The following SHF variants were observed in gnomAD, a reference collection of about 807,000 sequenced individuals.
The protein encoded by SHF is SH2 domain-containing adapter protein F.
SHF carries 30 observed loss-of-function variants against 42.4 expected under a neutral mutation model. The ratio of observed to expected loss-of-function variants is 0.71; its 90% CI spans 0.53 to 0.96. SHF has a LOEUF of 0.96. SHF is among the 40% of genes least tolerant of loss of function. SHF has a pLI of 0.00. For missense variants in SHF, 598 were observed against 634.0 expected (o/e 0.94, Z 0.61); for synonymous variants, 264 against 269.9 (o/e 0.98, Z 0.21).
chr15:45,170,392 T>C (rs1326391735), intron 6 of SHF: 1 of 1,288,500 alleles, frequency 7.8e-7, no homozygotes, highest in Non-Finnish European at 1.0e-6. Context: ...GCAATACACA[T>C]TTCTGAGGTT....
At chr15:45,171,065 T>C (rs1297288495) in intron 6 of SHF, 1 of 154,466 alleles carries the variant, frequency 6.5e-6, no homozygotes, top group Non-Finnish European at 1.4e-5. Flanking sequence ...ATATCTGTAC[T>C]CTGATGGTCC....
Position 45,187,757 on chromosome 15 carries a change from CCCT to C in SHF, c.192_194del (p.Gly66del). The C allele has an allele frequency of 1.0e-6, 1 of 956,412 alleles. No homozygotes were observed. Among genetic ancestry groups the C allele is most frequent in the Non-Finnish European group, 1.3e-6 (1 of 744,536 alleles). The allele number at this position is 956,412 out of a possible 1,614,324, so 59.2% of individuals were successfully genotyped here. Reference sequence around the variant, plus strand: ...GCTCGGGGGGCGCCGGCTTGCTGCCCCCTCCGCCGCCGCCCCCCCCGCGGAAGC... The same window carrying C: ...GCTCGGGGGGCGCCGGCTTGCTGCCCCCGCCGCCGCCCCCCCCGCGGAAGC... On this transcript the variant is annotated inframe_deletion, in exon 1 of 7. Transcript: ENST00000690270.
Position 45,187,945 on chromosome 15 carries a change from G to C in SHF, c.7C>G (p.Leu3Val). ...GAGCCAGCCGGAGGAGCTCCGCTCA[G>C]TAACATGGGGCCAGCCAGACTGAGC... MLLSGAPPAGSRP... is the reference protein window; with the variant it reads MLVSGAPPAGSRP... The change falls in exon 1 of 7, where the codon CTG (leucine) becomes GTG (valine). Residue 3 changes from leucine to valine, a missense_variant. Coordinates refer to ENST00000690270, the MANE Select transcript of SHF (RefSeq NM_001394037.1). The C allele has an allele frequency of 8.8e-7, 1 of 1,136,106 alleles. No homozygotes were observed. Among genetic ancestry groups the C allele is most frequent in the African/African-American group, 1.6e-5 (1 of 60,876 alleles). 70.4% of individuals were successfully genotyped at this position (1,136,106 alleles called of 1,614,324 possible). A position where few individuals can be genotyped will look rare whatever the true frequency, so the allele number is the denominator to read the frequency against.
At chr15:45,187,423 C>T in intron 1 of SHF, 31 bp downstream of exon 1, 1 of 1,231,832 alleles carries the variant, frequency 8.1e-7, no homozygotes, top group Non-Finnish European at 1.0e-6. Context: ...CGCCTTCCCT[C>T]CTGGCCATCC....
At chr15:45,168,167 G>T in intron 6 of SHF, 34 bp from the exon 7 acceptor site, 1 of 1,532,662 alleles carries the variant, frequency 6.5e-7, no homozygotes, top group South Asian at 1.3e-5. Flanking sequence ...GGTGAGTGGG[G>T]GCTCTCCTCA....
chr15:45,171,924 G>A lies in SHF; in HGVS notation c.1239C>T (p.Arg413=), dbSNP rs1427750273. The change falls in exon 6 of 7, where the codon CGC becomes CGT. Residue 413 remains arginine, a synonymous_variant. Coordinates refer to ENST00000690270, the MANE Select transcript of SHF (RefSeq NM_001394037.1). ...RLCKEASYLV[R]NSETSKNDFS... The stretch of plus-strand genomic sequence containing the variant: ...AGTCATTCTTGCTGGTCTCACTGTT[G>A]CGCACCAGGTAGCTGGCCTCTTTGC... 3 of 1,613,836 alleles carry A rather than the reference G, an allele frequency of 1.9e-6. No individual in the cohort carries two copies. The highest frequency in any genetic ancestry group is 8.5e-7 in the Non-Finnish European group (1 of 1,179,870).
chr15:45,198,883 T>C (rs1368100705), exon 2 of SHF: 2 of 1,613,946 alleles, frequency 1.2e-6, no homozygotes, highest in Non-Finnish European at 8.5e-7. Context: ...GTGGTGATGA[T>C]GAGATGGGCT....
chr15:45,196,755 C>T (rs576112797), intron 2 of SHF, among the ~76,000 whole-genome samples: 21 of 152,012 alleles, frequency 1.4e-4, no homozygotes, highest in Admixed American at 6.5e-4. Context: ...AAAAATTAGC[C>T]GGGCTTGGTG....
At chr15:45,175,544 G>T (rs1022802082) in intron 2 of SHF, 119 bp from the exon 3 acceptor site, 5 of 1,022,540 alleles carry the variant, frequency 4.9e-6, no homozygotes, top group East Asian at 2.6e-5. Flanking sequence ...CCTGGCTCTG[G>T]GGGGAGCTCA....
intron 1 of SHF, among the ~76,000 whole-genome samples, chr15:45,179,333 G>T (rs1251016754): frequency 6.6e-6 from 1 of 152,210 alleles, no homozygotes; most frequent in African/African-American, 2.4e-5. Context: ...GCCACCAGGG[G>T]GCATCTTGGC....
intron 1 of SHF, among the ~76,000 whole-genome samples, chr15:45,181,399 G>A (rs772034958): frequency 6.6e-6 from 1 of 152,352 alleles, no homozygotes; most frequent in Middle Eastern, 3.4e-3. Context: ...AAGTTCCTGG[G>A]CAGAACCCAG....
At chr15:45,177,435 A>G (rs2141369084) in intron 2 of SHF, among the ~76,000 whole-genome samples, 1 of 152,224 alleles carries the variant, frequency 6.6e-6, no homozygotes, top group South Asian at 2.1e-4. Context: ...TAAAGCTGAC[A>G]TTTTCATCCT....
intron 2 of SHF, among the ~76,000 whole-genome samples, chr15:45,197,249 TAAA>T (rs144408027): frequency 0.35 from 42,382 of 122,344 alleles, 6,934 homozygotes; most frequent in East Asian, 0.58. Context: ...ACCTTGTCTC[TAAA>T]AAAAAAAAAA....
intron 6 of SHF, chr15:45,170,610 T>TGACTATAG (rs1290771862): frequency 2.0e-5 from 7 of 350,316 alleles, no homozygotes. Context: ...TCAGGTTACC[T>TGACTATAG]GACTATAGTC....
chr15:45,197,621 A>G (rs1395381187), intron 2 of SHF, among the ~76,000 whole-genome samples: 1 of 152,166 alleles, frequency 6.6e-6, no homozygotes, highest in East Asian at 1.9e-4. Flanking sequence ...TGGGTATAGT[A>G]AACAGTCCCT....
upstream of SHF, among the ~76,000 whole-genome samples, chr15:45,188,528 C>T (rs545841458): frequency 1.3e-5 from 2 of 152,366 alleles, no homozygotes; most frequent in South Asian, 2.1e-4. Flanking sequence ...ATACCCGAAC[C>T]TACGTTACTT....
At chr15:45,192,608 T>A (rs1411057182), upstream of SHF, among the ~76,000 whole-genome samples, 1 of 152,134 alleles carries the variant, frequency 6.6e-6, no homozygotes, top group African/African-American at 2.4e-5. Context: ...CCTGACCTCG[T>A]GATCCACCTT....
chr15:45,173,865 T>C, intron 3 of SHF, 149 bp from the exon 4 acceptor site: 6 of 958,748 alleles, frequency 6.3e-6, no homozygotes, highest in Non-Finnish European at 9.6e-6. Context: ...GGTCAGCTTT[T>C]GGGGAGGCAC....
intron 3 of SHF, 139 bp downstream of exon 3, chr15:45,175,080 G>A (rs1174620803): frequency 4.4e-6 from 4 of 911,730 alleles, no homozygotes; most frequent in Non-Finnish European, 6.6e-6. Context: ...CACCCCCTAT[G>A]GTACAGAACT....
Sources: allele counts gnomAD v4.1 joint callset (sites outside exome capture counted in the v4.1 genomes callset), GRCh38; gene constraint gnomAD v4.1.1; transcripts MANE v1.5; gene names NCBI Gene and HGNC (gene_info 2026-07-23, HGNC 2026-07-21).